FOS: variants seen among roughly 807,000 people sequenced by gnomAD.
The protein encoded by FOS is Fos proto-oncogene, AP-1 transcription factor subunit.
FOS carries 9 observed loss-of-function variants against 27.2 expected under a neutral mutation model. The observed-to-expected ratio is 0.33, with a 90% CI of 0.20 to 0.58. The LOEUF (loss-of-function observed/expected upper bound fraction) is 0.58. FOS is among the 20% of genes least tolerant of loss of function. The pLI is 0.87. For synonymous variants in FOS, 213 were observed against 205.1 expected (o/e 1.04, Z -0.33); for missense variants, 405 against 483.5 (o/e 0.84, Z 1.52).
In FOS at chr14:75,279,750, C is replaced by T. The variant is rs1594901709; in HGVS notation, c.142-127C>T. On this transcript the variant is annotated intron_variant, in intron 1 of 3. Transcript: ENST00000303562. This position sits in a 1 kb window ranked among gnomAD's most constrained non-coding sequence, Gnocchi z 5.4. ...GAGACCTTTCATCCAGGATGAGGGA[C>T]ATTTAAGATGAAATGTCCGTGGCAG... 2 of 1,113,984 alleles carry T rather than the reference C, an allele frequency of 1.8e-6. No homozygotes were observed. Among genetic ancestry groups the T allele is most frequent in the Non-Finnish European group, 2.6e-6 (2 of 773,412 alleles). 69.0% of individuals were successfully genotyped at this position (1,113,984 alleles called of 1,614,324 possible).
rs1206974645 is a variant in FOS at position 75,281,032 on chromosome 14, C to G, written c.751C>G (p.Pro251Ala). 6.2e-7 allele frequency: 1 copy of G among 1,613,686 alleles called. No individual in the cohort carries two copies. The highest frequency in any genetic ancestry group is 1.3e-5 in the African/African-American group (1 of 74,924). The change falls in exon 4 of 4, where the codon CCC becomes GCC. Residue 251 changes from proline (P) to alanine (A), a missense_variant. Physicochemically the swap from Pro to Ala is conservative, Grantham distance 27. Transcript: ENST00000303562. The surrounding 1 kb of genome is among the most constrained non-coding windows in gnomAD (Gnocchi z 4.7). ...TCTCCTCAATGACCCTGAGCCCAAG[C>G]CCTCAGTGGAACCTGTCAAGAGCAT... ...LPLLNDPEPKPSVEPVKSISS... is the reference protein window; with the variant it reads ...LPLLNDPEPKASVEPVKSISS...
intron 2 of FOS, 24 bp downstream of exon 2, chr14:75,280,152 C>T (rs757931341): frequency 1.2e-6 from 2 of 1,613,242 alleles, no homozygotes; most frequent in Admixed American, 1.7e-5. Flanking sequence ...GCGTACTCTT[C>T]CTGGGAATGT....
In FOS at chr14:75,280,670, A is replaced by AG. The variant is rs762079124; in HGVS notation, c.501+5dup. On this transcript the variant is annotated splice_donor_region_variant and intron_variant, in intron 3 of 3. Transcript: ENST00000303562. ...AGCTGACTGATACACTCCAAGCGGTAGGTACTCTGTGGGTTGCTCCTTTTT... is the reference window on the plus strand; with the variant it reads ...AGCTGACTGATACACTCCAAGCGGTAGGGTACTCTGTGGGTTGCTCCTTTTT... The AG allele has an allele frequency of 6.2e-7, 1 of 1,611,384 alleles. No individual in the cohort carries two copies. Among genetic ancestry groups the AG allele is most frequent in the Non-Finnish European group, 8.5e-7 (1 of 1,179,170 alleles).
At position 75,281,495 on chromosome 14, in the gene FOS, G is replaced by A. The variant is rs377604690; in HGVS notation, c.*71G>A. The A allele has an allele frequency of 2.7e-6, 4 of 1,503,894 alleles. No homozygotes were observed. The highest frequency in any genetic ancestry group is 1.9e-5 in the Admixed American group (1 of 53,730). 93.2% of individuals were successfully genotyped at this position (1,503,894 alleles called of 1,614,324 possible). On this transcript the variant is annotated 3_prime_UTR_variant, in exon 4 of 4. Transcript: ENST00000303562. The surrounding 1 kb of genome is among the most constrained non-coding windows in gnomAD (Gnocchi z 4.7). ...CCGAGCTGGTGCATTACAGAGAGGA[G>A]AAACACATCTTCCCTAGAGGGTTCC... is the stretch of plus-strand genomic sequence containing the variant.
Position 75,279,852 on chromosome 14 carries a change from G to A in FOS, c.142-25G>A, listed in dbSNP as rs909623473. 6.4e-6 allele frequency: 10 copies of A among 1,564,716 alleles called. No individual in the cohort carries two copies. The highest frequency in any genetic ancestry group is 8.7e-6 in the Non-Finnish European group (10 of 1,150,784). ...GTCCGGAACCTGCTCGCTCACGTCG[G>A]CTTTCCCCTTCTGTTTTGTTCTAGG... On this transcript the variant is annotated intron_variant, in intron 1 of 3. Coordinates refer to ENST00000303562, the MANE Select transcript of FOS (RefSeq NM_005252.4). This position sits in a 1 kb window ranked among gnomAD's most constrained non-coding sequence, Gnocchi z 5.4.
Position 75,281,388 on chromosome 14 carries a change from T to C in FOS, c.1107T>C (p.Ser369=), listed in dbSNP as rs759748396. The C allele has an allele frequency of 3.0e-5, 49 of 1,611,698 alleles. No homozygotes were observed. The highest frequency in any genetic ancestry group is 4.2e-5 in the Non-Finnish European group (49 of 1,180,006). ...GCAGCAGCAGCAATGAGCCTTCCTC[T>C]GACTCGCTCAGCTCACCCACGCTGC... ...RKGSSSNEPS[S]DSLSSPTLLA... The change falls in exon 4 of 4, where the codon TCT becomes TCC. Residue 369 remains serine (S), a synonymous_variant. Transcript: ENST00000303562. This position sits in a 1 kb window ranked among gnomAD's most constrained non-coding sequence, Gnocchi z 4.7.
intron 2 of FOS, 156 bp from the exon 3 acceptor site, chr14:75,280,404 A>C (rs1469416199): frequency 1.4e-6 from 1 of 693,570 alleles, no homozygotes; most frequent in Non-Finnish European, 2.5e-6. Context: ...TTTAAATGCA[A>C]GTCACACCTA....
chr14:75,281,050 A>C lies in FOS; in HGVS notation c.769A>C (p.Lys257Gln). Residue 257 changes from lysine to glutamine, a missense_variant, in exon 4 of 4, where the codon AAG becomes CAG. By Grantham distance (53) the Lys-to-Gln change is moderately conservative (BLOSUM62 1). Coordinates refer to ENST00000303562, the MANE Select transcript of FOS (RefSeq NM_005252.4). The surrounding 1 kb of genome is among the most constrained non-coding windows in gnomAD (Gnocchi z 4.7). ...GCCCAAGCCCTCAGTGGAACCTGTC[A>C]AGAGCATCAGCAGCATGGAGCTGAA... Reference protein sequence around the residue: ...PEPKPSVEPVKSISSMELKTE... With the variant: ...PEPKPSVEPVQSISSMELKTE... 3 of 1,613,368 alleles carry C rather than the reference A, an allele frequency of 1.9e-6. No individual in the cohort carries two copies. The highest frequency in any genetic ancestry group is 2.5e-6 in the Non-Finnish European group (3 of 1,180,014).
Position 75,278,868 on chromosome 14 carries a change from C to A in FOS, c.-115C>A, listed in dbSNP as rs572017576. On this transcript the variant is annotated 5_prime_UTR_variant, in exon 1 of 4. Coordinates refer to ENST00000303562, the MANE Select transcript of FOS (RefSeq NM_005252.4). This position sits in a 1 kb window ranked among gnomAD's most constrained non-coding sequence, Gnocchi z 4.1. ...GAGCATCTGAGAAGCCAAGACTGAGCCGGCGGCCGCGGCGCAGCGAACGAG... is the reference window on the plus strand; with the variant it reads ...GAGCATCTGAGAAGCCAAGACTGAGACGGCGGCCGCGGCGCAGCGAACGAG... 29 of 1,295,990 alleles carry A rather than the reference C, an allele frequency of 2.2e-5. No homozygotes were observed. In the African/African-American group the frequency reaches 3.7e-4, roughly 16 times the overall value. The allele number at this position is 1,295,990 out of a possible 1,614,324, so 80.3% of individuals were successfully genotyped here. A position where few individuals can be genotyped will look rare whatever the true frequency, so the allele number is the denominator to read the frequency against.
chr14:75,280,713 T>C, intron 3 of FOS, 46 bp downstream of exon 3: 1 of 1,610,674 alleles, frequency 6.2e-7, no homozygotes, highest in Non-Finnish European at 8.5e-7. Context: ...AAGGGGAAAG[T>C]TGGAGATTGA....
At position 75,281,603 on chromosome 14, in the gene FOS, C is replaced by T. The variant is rs2139938532; in HGVS notation, c.*179C>T. Reference sequence around the variant, plus strand: ...GGACTTGAAAGCATCCATGTGTGGACTCAAGTCCTTACCTCTTCCGGAGAT... The same window carrying T: ...GGACTTGAAAGCATCCATGTGTGGATTCAAGTCCTTACCTCTTCCGGAGAT... On this transcript the variant is annotated 3_prime_UTR_variant, in exon 4 of 4. Transcript: ENST00000303562. The surrounding 1 kb of genome is among the most constrained non-coding windows in gnomAD (Gnocchi z 4.7). 1 of 657,190 alleles carries T rather than the reference C, an allele frequency of 1.5e-6. No homozygotes were observed. Among genetic ancestry groups the T allele is most frequent in the East Asian group, 2.7e-5 (1 of 36,542 alleles). The allele number at this position is 657,190 out of a possible 1,614,324, so 40.7% of individuals were successfully genotyped here. A position where few individuals can be genotyped will look rare whatever the true frequency, so the allele number is the denominator to read the frequency against.
Position 75,280,052 on chromosome 14 carries a change from A to T in FOS, c.317A>T (p.Tyr106Phe). 1 of 1,613,890 alleles carries T rather than the reference A, an allele frequency of 6.2e-7. No homozygotes were observed. Among genetic ancestry groups the T allele is most frequent in the Non-Finnish European group, 8.5e-7 (1 of 1,179,982 alleles). The part of the protein sequence containing the change: ...FGVPAPSAGA[Y>F]SRAGVVKTMT... The stretch of plus-strand genomic sequence containing the variant: ...GTCCCCGCCCCCTCCGCTGGGGCTT[A>T]CTCCAGGGCTGGCGTTGTGAAGACC... The change falls in exon 2 of 4, where the codon TAC becomes TTC. Residue 106 changes from tyrosine to phenylalanine, a missense_variant. Coordinates refer to ENST00000303562, the MANE Select transcript of FOS (RefSeq NM_005252.4).
chr14:75,279,796 G>A lies in FOS; in HGVS notation c.142-81G>A. 2 of 1,460,274 alleles carry A rather than the reference G, an allele frequency of 1.4e-6. No individual in the cohort carries two copies. The highest frequency in any genetic ancestry group is 1.4e-5 in the African/African-American group (1 of 70,656). 90.5% of individuals were successfully genotyped at this position (1,460,274 alleles called of 1,614,324 possible). ...GGCAGGATCGTTTCTCTTCACTGCT[G>A]CATGCGGCACTGGGAACTCGCCCCA... On this transcript the variant is annotated intron_variant, in intron 1 of 3. Coordinates refer to ENST00000303562, the MANE Select transcript of FOS (RefSeq NM_005252.4). The surrounding 1 kb of genome is among the most constrained non-coding windows in gnomAD (Gnocchi z 5.4).
rs201646436 is a variant in FOS, at chr14:75,280,751, T to A, written c.502-32T>A. The A allele has an allele frequency of 2.7e-5, 43 of 1,612,586 alleles. No homozygotes were observed. In the East Asian group the frequency reaches 9.1e-4, roughly 34 times the overall value. On this transcript the variant is annotated intron_variant, in intron 3 of 3. Coordinates refer to ENST00000303562, the MANE Select transcript of FOS (RefSeq NM_005252.4). ...ATAAGGGCCCTTGAGTAAGACTGTG[T>A]CTTATGCTTTCCTTTATCCCTCTGT...
rs1897234839 is a variant in FOS, at chr14:75,282,050, C to T, written c.*626C>T. ...TGACATTAACAGTTTTCCATGAAAA[C>T]GTTTTATTGTGTTTTTAATTTATTT... is the stretch of plus-strand genomic sequence containing the variant. On this transcript the variant is annotated 3_prime_UTR_variant, in exon 4 of 4. Transcript: ENST00000303562. 1 of 152,624 alleles carries T rather than the reference C, an allele frequency of 6.6e-6. No homozygotes were observed. The highest frequency in any genetic ancestry group is 1.5e-5 in the Non-Finnish European group (1 of 68,012). The allele number at this position is 152,624 out of a possible 1,614,324, so 9.5% of individuals were successfully genotyped here.
Position 75,279,947 on chromosome 14 carries a change from C to T in FOS, c.212C>T (p.Pro71Leu). ...ACGGTCACTGCCATCTCGACCAGTC[C>T]GGACCTGCAGTGGCTGGTGCAGCCC... Reference protein sequence around the residue: ...IPTVTAISTSPDLQWLVQPAL... With the variant: ...IPTVTAISTSLDLQWLVQPAL... The change falls in exon 2 of 4, where the codon CCG (proline) becomes CTG (leucine). Residue 71 changes from proline (P) to leucine (L), a missense_variant. Coordinates refer to ENST00000303562, the MANE Select transcript of FOS (RefSeq NM_005252.4). This position sits in a 1 kb window ranked among gnomAD's most constrained non-coding sequence, Gnocchi z 5.4. 1 of 1,614,158 alleles carries T rather than the reference C, an allele frequency of 6.2e-7. No individual in the cohort carries two copies. Among genetic ancestry groups the T allele is most frequent in the Non-Finnish European group, 8.5e-7 (1 of 1,180,006 alleles).
At position 75,280,174 on chromosome 14, in the gene FOS, G is replaced by A. The variant is rs1300407624; in HGVS notation, c.393+46G>A. The A allele has an allele frequency of 5.0e-6, 8 of 1,611,938 alleles. No homozygotes were observed. The African/African-American group carries it at 9.3e-5, about 19-fold the overall frequency. ...CTTCCTGGGAATGTGGGGGCTGGGT[G>A]GGAAGCAGCCCCGGAGATGCAGGAG... On this transcript the variant is annotated intron_variant, in intron 2 of 3. Transcript: ENST00000303562.
chr14:75,281,228 T>C lies in FOS; in HGVS notation c.947T>C (p.Met316Thr). 1 of 1,612,744 alleles carries C rather than the reference T, an allele frequency of 6.2e-7. No individual in the cohort carries two copies. Among genetic ancestry groups the C allele is most frequent in the Non-Finnish European group, 8.5e-7 (1 of 1,180,010 alleles). ...AGTGGCTCCCTGGGGATGGGGCCCA[T>C]GGCCACAGAGCTGGAGCCCCTGTGC... Reference protein sequence around the residue: ...LHSGSLGMGPMATELEPLCTP... With the variant: ...LHSGSLGMGPTATELEPLCTP... Residue 316 changes from methionine (M) to threonine (T), a missense_variant, in exon 4 of 4, where the codon ATG becomes ACG. Transcript: ENST00000303562. The surrounding 1 kb of genome is among the most constrained non-coding windows in gnomAD (Gnocchi z 4.7).
Position 75,282,128 on chromosome 14 carries a change from G to T in FOS, c.*704G>T, listed in dbSNP as rs1168594262. ...TTTTTATTTTATTTTTTTCTACCTTGAGGTCTTTTGACATGTGGAAAGTGA... is the reference window on the plus strand; with the variant it reads ...TTTTTATTTTATTTTTTTCTACCTTTAGGTCTTTTGACATGTGGAAAGTGA... On this transcript the variant is annotated 3_prime_UTR_variant, in exon 4 of 4. Coordinates refer to ENST00000303562, the MANE Select transcript of FOS (RefSeq NM_005252.4). The T allele has an allele frequency of 6.6e-6, 1 of 152,234 alleles. No homozygotes were observed. The highest frequency in any genetic ancestry group is 2.4e-5 in the African/African-American group (1 of 41,408). 9.4% of individuals were successfully genotyped at this position (152,234 alleles called of 1,614,324 possible). A position where few individuals can be genotyped will look rare whatever the true frequency, so the allele number is the denominator to read the frequency against.
Sources: allele counts gnomAD v4.1 joint callset, GRCh38; gene constraint gnomAD v4.1.1; non-coding constraint Gnocchi (gnomAD v3.1); transcripts MANE v1.5; gene names NCBI Gene and HGNC (gene_info 2026-07-23, HGNC 2026-07-21).